The following OSBP variants were observed in gnomAD, a reference collection of about 807,000 sequenced individuals.
OSBP encodes oxysterol binding protein.
OSBP carries 32 observed loss-of-function variants against 96.6 expected under a neutral mutation model. The ratio of observed to expected loss-of-function variants is 0.33; its 90% CI spans 0.25 to 0.45. OSBP has a LOEUF of 0.45. Among genes scored for constraint, OSBP ranks in the 20% least tolerant of loss-of-function variants. The pLI, the probability that OSBP is intolerant of heterozygous loss-of-function variation, is 1.00. For synonymous variants in OSBP, 369 were observed against 389.6 expected, an observed-to-expected ratio of 0.95 and a Z score of 0.62; for missense variants, 653 against 1,029.7, an observed-to-expected ratio of 0.63 and a Z score of 5.01.
At chr11:59,595,634 T>A (rs1401298204) in intron 7 of OSBP, among the ~76,000 whole-genome samples, 1 of 152,180 alleles carries the variant, frequency 6.6e-6, no homozygotes, top group East Asian at 1.9e-4. Context: ...TATACATTCA[T>A]ACATTTTTAA....
chr11:59,579,917 G>A (rs1431464045), intron 11 of OSBP, among the ~76,000 whole-genome samples: 1 of 152,008 alleles, frequency 6.6e-6, no homozygotes, highest in Non-Finnish European at 1.5e-5. Context: ...TCATCATGTT[G>A]GCCAGGCTGG....
intron 7 of OSBP, among the ~76,000 whole-genome samples, chr11:59,595,991 AT>A (rs1860648521): frequency 1.3e-5 from 2 of 150,620 alleles, no homozygotes; most frequent in African/African-American, 4.9e-5. Flanking sequence ...AAATAAATAA[AT>A]AAATAAAATT....
intron 12 of OSBP, 122 bp from the exon 13 acceptor site, chr11:59,577,147 G>C (rs1860370354): frequency 1.3e-6 from 1 of 770,536 alleles, no homozygotes; most frequent in Non-Finnish European, 2.1e-6. Flanking sequence ...AACAGGATCT[G>C]TGAAAAGGAT....
chr11:59,597,422 C>T (rs1158651725), intron 7 of OSBP, among the ~76,000 whole-genome samples: 3 of 152,150 alleles, frequency 2.0e-5, no homozygotes, highest in Non-Finnish European at 4.4e-5. Context: ...CACTTTCCCA[C>T]TACTCCCTTC....
chr11:59,574,844 T>C lies in OSBP; in HGVS notation c.*1733A>G, dbSNP rs1860342053. The C allele has an allele frequency of 1.3e-5, 2 of 152,586 alleles. No individual in the cohort carries two copies. Among genetic ancestry groups the C allele is most frequent in the Admixed American group, 1.3e-4 (2 of 15,260 alleles). 9.5% of individuals were successfully genotyped at this position (152,586 alleles called of 1,614,324 possible). A position where few individuals can be genotyped will look rare whatever the true frequency, so the allele number is the denominator to read the frequency against. ...GTATTAATTTACCCAGTAAAACCAATTTCCCCATAGGGATGGCTTCCTTTG... is the reference window on the plus strand; with the variant it reads ...GTATTAATTTACCCAGTAAAACCAACTTCCCCATAGGGATGGCTTCCTTTG... On this transcript the variant is annotated 3_prime_UTR_variant, in exon 14 of 14. Transcript: ENST00000263847.
rs79891834 is a variant in OSBP at position 59,601,156 on chromosome 11, T to C, written c.1124+127A>G. 8.4e-3 allele frequency: 4,106 copies of C among 490,176 alleles called. 139 individuals carry two copies. Among genetic ancestry groups the C allele is most frequent in the African/African-American group, 0.077 (3,734 of 48,262 alleles). The allele number at this position is 490,176 out of a possible 1,614,324, so 30.4% of individuals were successfully genotyped here. A position where few individuals can be genotyped will look rare whatever the true frequency, so the allele number is the denominator to read the frequency against. On this transcript the variant is annotated intron_variant, in intron 5 of 13. Coordinates refer to ENST00000263847, the MANE Select transcript of OSBP (RefSeq NM_002556.3). Reference sequence around the variant, plus strand: ...AAAAGGGAAAAGGGCCCAGATTCAATATTGACAATTATAATACTCTCACTG... The same window carrying C: ...AAAAGGGAAAAGGGCCCAGATTCAACATTGACAATTATAATACTCTCACTG...
rs947634910 is a variant in OSBP at position 59,575,042 on chromosome 11, A to C, written c.*1535T>G. The C allele has an allele frequency of 1.3e-5, 2 of 152,246 alleles. No homozygotes were observed. The highest frequency in any genetic ancestry group is 1.3e-4 in the Admixed American group (2 of 15,272). The allele number at this position is 152,246 out of a possible 1,614,324, so 9.4% of individuals were successfully genotyped here. ...AAGACAACAAAAACAAATACTGCAC[A>C]AACAGAGAAGGAAGCCAGGGCCCCA... On this transcript the variant is annotated 3_prime_UTR_variant, in exon 14 of 14. Coordinates refer to ENST00000263847, the MANE Select transcript of OSBP (RefSeq NM_002556.3).
Position 59,613,488 on chromosome 11 carries a change from A to T in OSBP, c.362+1815T>A, listed in dbSNP as rs376366022. On this transcript the variant is annotated intron_variant, in intron 1 of 13. Transcript: ENST00000263847. ...AAGAACTTGGATGAGAAATGACCAC[A>T]TACGAAGGCCCTGAGGTGATATACA... is the stretch of plus-strand genomic sequence containing the variant. Among the ~76,000 whole-genome samples the T allele has an allele frequency of 3.3e-5, 5 of 152,358 alleles. No homozygotes were observed. The South Asian group carries it at 6.2e-4, about 19-fold the overall frequency.
At position 59,601,833 on chromosome 11, in the gene OSBP, G is replaced by A. The variant is rs200456803; in HGVS notation, c.828C>T (p.Cys276=). The part of the protein sequence containing the change: ...RITSNAMINA[C]RDFLMLAQTH... ...TCTGGGCTAACATGAGGAAATCTCT[G>A]CAGGCCTGTATGGAGAAAGCGTTGA... Residue 276 remains cysteine, a synonymous_variant, in exon 4 of 14, where the codon TGC becomes TGT. Transcript: ENST00000263847. The A allele has an allele frequency of 6.2e-7, 1 of 1,614,032 alleles. No individual in the cohort carries two copies. Among genetic ancestry groups the A allele is most frequent in the East Asian group, 2.2e-5 (1 of 44,876 alleles).
chr11:59,585,386 G>A (rs1406872192), intron 9 of OSBP, among the ~76,000 whole-genome samples: 1 of 1,822 alleles, frequency 5.5e-4, no homozygotes, highest in Non-Finnish European at 1.4e-3. Flanking sequence ...GAAGTGAGGA[G>A]ACCTCGCCCG....
chr11:59,606,845 G>A (rs1860786139), intron 3 of OSBP, among the ~76,000 whole-genome samples: 1 of 152,062 alleles, frequency 6.6e-6, no homozygotes, highest in African/African-American at 2.4e-5. Context: ...AACAACACAG[G>A]GATAAAAAAT....
At chr11:59,609,700 T>A (rs539501187) in intron 2 of OSBP, among the ~76,000 whole-genome samples, 2 of 152,302 alleles carry the variant, frequency 1.3e-5, no homozygotes, top group East Asian at 3.9e-4. Flanking sequence ...CTCAGTATGA[T>A]TAAACTATCA....
At chr11:59,582,917 A>G (rs565669255) in intron 9 of OSBP, among the ~76,000 whole-genome samples, 1 of 152,306 alleles carries the variant, frequency 6.6e-6, no homozygotes, top group South Asian at 2.1e-4. Flanking sequence ...TCCTGTTCTT[A>G]TAAGTCAATC....
At chr11:59,592,556 T>C (rs1329381354) in intron 9 of OSBP, among the ~76,000 whole-genome samples, 2 of 152,232 alleles carry the variant, frequency 1.3e-5, no homozygotes, top group Admixed American at 6.5e-5. Flanking sequence ...TTGTTTTCTC[T>C]AACTGCTTTG....
Position 59,600,644 on chromosome 11 carries a change from G to T in OSBP, c.1180-17C>A, listed in dbSNP as rs199656627. 6.2e-7 allele frequency: 1 copy of T among 1,609,846 alleles called. No individual in the cohort carries two copies. Among genetic ancestry groups the T allele is most frequent in the African/African-American group, 1.3e-5 (1 of 74,238 alleles). On this transcript the variant is annotated splice_polypyrimidine_tract_variant and intron_variant, in intron 6 of 13. Coordinates refer to ENST00000263847, the MANE Select transcript of OSBP (RefSeq NM_002556.3). ...ATGCTTGTACTGAGAGCAAAACAAA[G>T]CCATTCAACCACCCACAAAGAACAG...
rs746172282 is a variant in OSBP, at chr11:59,600,631, A to C, written c.1180-4T>G. 24 of 1,613,102 alleles carry C rather than the reference A, an allele frequency of 1.5e-5. No homozygotes were observed. The South Asian group carries it at 2.6e-4, about 18-fold the overall frequency. ...TCTCCTCCAGCTGATGCTTGTACTG[A>C]GAGCAAAACAAAGCCATTCAACCAC... On this transcript the variant is annotated splice_polypyrimidine_tract_variant and splice_region_variant and intron_variant, in intron 6 of 13. Coordinates refer to ENST00000263847, the MANE Select transcript of OSBP (RefSeq NM_002556.3).
chr11:59,583,985 G>A lies in OSBP; in HGVS notation c.1679-2431C>T, dbSNP rs144663327. On this transcript the variant is annotated intron_variant, in intron 9 of 13. Transcript: ENST00000263847. ...TTTTGAGACAGGATCTCACTTTGTC[G>A]CCCAGACTGGAATGCAATGGTGCAA... Among the ~76,000 whole-genome samples the A allele has an allele frequency of 4.2e-3, 559 of 134,372 alleles. 5 individuals are homozygous for A. The highest frequency in any genetic ancestry group is 0.015 in the African/African-American group (517 of 34,400). The allele number at this position is 134,372 out of a possible 152,430, so 88.2% of individuals were successfully genotyped here.
intron 7 of OSBP, among the ~76,000 whole-genome samples, chr11:59,595,370 T>G (rs1860636010): frequency 6.6e-6 from 1 of 152,048 alleles, no homozygotes; most frequent in East Asian, 1.9e-4. Flanking sequence ...TAAGCAACGC[T>G]TTACTTAAAC....
chr11:59,595,435 T>C (rs925248369), intron 7 of OSBP, among the ~76,000 whole-genome samples: 8 of 152,140 alleles, frequency 5.3e-5, no homozygotes, highest in African/African-American at 1.9e-4. Context: ...TTTGGCATTT[T>C]TGTTCACCCT....
Sources: gnomAD v4.1 joint callset for allele counts (sites outside exome capture counted in the v4.1 genomes callset) on GRCh38, gnomAD v4.1.1 for gene constraint, MANE v1.5 for transcripts, NCBI Gene and HGNC (gene_info 2026-07-23, HGNC 2026-07-21) for gene names.